Variants in LCLAT1 observed in about 807,000 individuals in gnomAD.
The protein encoded by LCLAT1 is 1-AGP acyltransferase 8.
Under a neutral mutation model 30.7 loss-of-function variants are expected in LCLAT1, and 11 were observed. The ratio of observed to expected loss-of-function variants is 0.36; its 90% CI spans 0.23 to 0.59. LCLAT1 has a LOEUF of 0.59. LCLAT1 is among the 20% of genes least tolerant of loss of function. LCLAT1 has a pLI of 0.77. For missense variants in LCLAT1, 402 were observed against 458.6 expected (o/e 0.88, Z 1.13); for synonymous variants, 155 against 151.3 (o/e 1.02, Z -0.18).
chr2:30,566,407 G>C (rs913750698), intron 4 of LCLAT1, among the ~76,000 whole-genome samples: 2 of 152,090 alleles, frequency 1.3e-5, no homozygotes, highest in African/African-American at 2.4e-5. Flanking sequence ...CCATGCCCAG[G>C]ATATCCTCAA....
intron 1 of LCLAT1, among the ~76,000 whole-genome samples, chr2:30,493,276 G>A (rs901586968): frequency 6.6e-6 from 1 of 152,138 alleles, no homozygotes; most frequent in Non-Finnish European, 1.5e-5. Flanking sequence ...AGTAACTTTT[G>A]TAAAGTCTGA....
At chr2:30,518,888 C>G (rs887569806) in intron 1 of LCLAT1, among the ~76,000 whole-genome samples, 1 of 152,178 alleles carries the variant, frequency 6.6e-6, no homozygotes, top group African/African-American at 2.4e-5. Flanking sequence ...GGCATTAGCC[C>G]AAGACTTGAG....
At chr2:30,493,327 A>G (rs1029058704) in intron 1 of LCLAT1, among the ~76,000 whole-genome samples, 12 of 152,264 alleles carry the variant, frequency 7.9e-5, no homozygotes, top group African/African-American at 2.9e-4. Flanking sequence ...ATATATCAAT[A>G]TAACTTAGTG....
intron 3 of LCLAT1, among the ~76,000 whole-genome samples, chr2:30,535,316 A>T (rs1185085678): frequency 3.3e-5 from 5 of 152,190 alleles, no homozygotes; most frequent in Non-Finnish European, 7.4e-5. Flanking sequence ...TCCTGTCTTT[A>T]TGAAGAGTAC....
At chr2:30,470,599 C>T (rs1004343579) in intron 1 of LCLAT1, among the ~76,000 whole-genome samples, 13 of 152,226 alleles carry the variant, frequency 8.5e-5, no homozygotes, top group African/African-American at 2.7e-4. Context: ...GAGTCAGCTA[C>T]GTTAGGGTTT....
At chr2:30,485,503 T>G (rs1683521216) in intron 1 of LCLAT1, among the ~76,000 whole-genome samples, 1 of 152,192 alleles carries the variant, frequency 6.6e-6, no homozygotes, top group Admixed American at 6.5e-5. Flanking sequence ...GGTTAGGAAT[T>G]AACTTTGTCT....
At chr2:30,520,358 A>C (rs1486600363) in intron 1 of LCLAT1, among the ~76,000 whole-genome samples, 2 of 152,250 alleles carry the variant, frequency 1.3e-5, no homozygotes, top group East Asian at 3.8e-4. Context: ...AATTTAGTTT[A>C]TAATTGTAAC....
chr2:30,450,210 A>C (rs763814117), intron 1 of LCLAT1, among the ~76,000 whole-genome samples: 3 of 152,230 alleles, frequency 2.0e-5, no homozygotes, highest in Admixed American at 6.5e-5. Flanking sequence ...AGAGCACATA[A>C]AAGGGAACAG....
intron 1 of LCLAT1, among the ~76,000 whole-genome samples, chr2:30,454,926 G>A (rs999037208): frequency 3.1e-4 from 47 of 152,150 alleles, no homozygotes; most frequent in African/African-American, 1.1e-3. Flanking sequence ...TTTATTTATG[G>A]TAGTAATGAA....
intron 1 of LCLAT1, chr2:30,459,498 C>T: frequency 1.3e-6 from 1 of 758,842 alleles, no homozygotes; most frequent in South Asian, 1.6e-5. Context: ...GAGCCCGGTG[C>T]ACTGTTCCCA....
At chr2:30,555,614 A>G (rs1664877723) in intron 3 of LCLAT1, among the ~76,000 whole-genome samples, 1 of 152,268 alleles carries the variant, frequency 6.6e-6, no homozygotes, top group African/African-American at 2.4e-5. Context: ...AGAAATTTAA[A>G]TGTAAACTAA....
intron 3 of LCLAT1, chr2:30,552,639 CAGT>C: frequency 3.0e-6 from 1 of 335,030 alleles, no homozygotes; most frequent in Non-Finnish European, 6.2e-6. Flanking sequence ...GAGCATTACC[CAGT>C]TTGTAATGTG....
At chr2:30,517,021 C>T (rs114403097) in intron 1 of LCLAT1, among the ~76,000 whole-genome samples, 15 of 152,274 alleles carry the variant, frequency 9.9e-5, no homozygotes, top group African/African-American at 3.4e-4. Flanking sequence ...ATTGGCCAGT[C>T]GAGATCATGG....
At chr2:30,599,831 A>G (rs1179133350) in intron 5 of LCLAT1, among the ~76,000 whole-genome samples, 5 of 152,014 alleles carry the variant, frequency 3.3e-5, no homozygotes, top group Non-Finnish European at 2.9e-5. Context: ...TTTTGAGCCT[A>G]TGTATGTCTT....
chr2:30,458,883 A>C (rs1375458412), intron 1 of LCLAT1, among the ~76,000 whole-genome samples: 14 of 152,200 alleles, frequency 9.2e-5, no homozygotes, highest in Admixed American at 9.2e-4. Flanking sequence ...TGAATGTAAG[A>C]AGCTTACCTA....
chr2:30,546,287 T>C (rs894738711), intron 3 of LCLAT1, among the ~76,000 whole-genome samples: 1 of 152,208 alleles, frequency 6.6e-6, no homozygotes. Flanking sequence ...TCCCAGAATA[T>C]AAACTGCCAA....
At chr2:30,619,248 G>A (rs905863659) in intron 5 of LCLAT1, among the ~76,000 whole-genome samples, 2 of 152,060 alleles carry the variant, frequency 1.3e-5, no homozygotes, top group African/African-American at 4.8e-5. Flanking sequence ...TAAAAATTTC[G>A]CTAGTAATTA....
chr2:30,513,026 AT>A (rs1685014314), intron 1 of LCLAT1, among the ~76,000 whole-genome samples: 1 of 152,158 alleles, frequency 6.6e-6, no homozygotes, highest in Non-Finnish European at 1.5e-5. Flanking sequence ...GTGGTACTTA[AT>A]TTACAGTCTT....
chr2:30,447,831 C>T (rs1019966434), intron 1 of LCLAT1, among the ~76,000 whole-genome samples: 1 of 152,226 alleles, frequency 6.6e-6, no homozygotes, highest in African/African-American at 2.4e-5. Context: ...GTGGTCACCA[C>T]GTGCGGGGCT....
Sources: gnomAD v4.1 joint callset for allele counts (sites outside exome capture counted in the v4.1 genomes callset) on GRCh38, gnomAD v4.1.1 for gene constraint, MANE v1.5 for transcripts, NCBI Gene and HGNC (gene_info 2026-07-23, HGNC 2026-07-21) for gene names.